The following SGCZ variants were observed in gnomAD, a reference collection of about 807,000 sequenced individuals.
SGCZ encodes zeta-sarcoglycan.
SGCZ carries 40 observed loss-of-function variants against 41.3 expected under a neutral mutation model. That is an observed-to-expected ratio of 0.97 (90% CI 0.75 to 1.26). The LOEUF is 1.26. Ranked by LOEUF, SGCZ falls within the 50% of genes most tolerant of loss-of-function variation. The probability of loss-of-function intolerance (pLI) is 0.00; values close to 1 mark genes in which losing one functional copy is unlikely to be tolerated. For synonymous variants in SGCZ, 206 were observed against 137.5 expected (o/e 1.50, Z -3.49); for missense variants, 552 against 369.8 (o/e 1.49, Z -4.04).
intron 1 of SGCZ, among the ~76,000 whole-genome samples, chr8:15,205,509 A>G (rs1481624089): frequency 6.6e-6 from 1 of 152,176 alleles, no homozygotes. Context: ...AGAAAAGCTC[A>G]TTATTACTGA....
At position 14,228,386 on chromosome 8, in the gene SGCZ, T is replaced by C. The variant is rs1190717986; in HGVS notation, c.424+9206A>G. Among the ~76,000 whole-genome samples, 5 of 152,094 alleles carry C rather than the reference T, an allele frequency of 3.3e-5. No homozygotes were observed. In the East Asian group the frequency reaches 7.7e-4, roughly 23 times the overall value. On this transcript the variant is annotated intron_variant, in intron 4 of 7. Transcript: ENST00000382080. ...AAATTTAAAGCCACTCCTTTCTTAC[T>C]TTGTTTAACTTATTTTACTTTTATC...
intron 5 of SGCZ, among the ~76,000 whole-genome samples, chr8:14,151,745 G>C (rs1415167775): frequency 6.6e-6 from 1 of 152,026 alleles, no homozygotes; most frequent in African/African-American, 2.4e-5. Context: ...CTGTGATATT[G>C]TCAGAAAGAC....
At chr8:14,148,897 G>C (rs1049153520) in intron 5 of SGCZ, among the ~76,000 whole-genome samples, 3 of 151,994 alleles carry the variant, frequency 2.0e-5, no homozygotes, top group African/African-American at 4.8e-5. Flanking sequence ...CAAACCAATC[G>C]ATGTGGTACA....
chr8:14,167,895 C>T (rs1804256369), intron 4 of SGCZ, among the ~76,000 whole-genome samples: 2 of 152,226 alleles, frequency 1.3e-5, no homozygotes, highest in African/African-American at 4.8e-5. Context: ...TTCTACAGTA[C>T]ATCGGTCAAA....
chr8:14,214,345 A>G (rs1805918717), intron 4 of SGCZ, among the ~76,000 whole-genome samples: 1 of 152,166 alleles, frequency 6.6e-6, no homozygotes, highest in Admixed American at 6.5e-5. Flanking sequence ...TACTAAATGT[A>G]GTGTGATATC....
intron 2 of SGCZ, among the ~76,000 whole-genome samples, chr8:14,459,536 A>T (rs1800842764): frequency 6.6e-6 from 1 of 152,188 alleles, no homozygotes; most frequent in Admixed American, 6.5e-5. Flanking sequence ...ATAGATGCTA[A>T]TGTGAGTAAA....
intron 1 of SGCZ, among the ~76,000 whole-genome samples, chr8:15,191,282 A>T (rs775454995): frequency 1.3e-5 from 2 of 152,038 alleles, no homozygotes; most frequent in Non-Finnish European, 2.9e-5. Flanking sequence ...TCTAGTCTGT[A>T]TTCAACGTAT....
chr8:14,842,430 G>A (rs1802954222), intron 1 of SGCZ, among the ~76,000 whole-genome samples: 1 of 146,398 alleles, frequency 6.8e-6, no homozygotes, highest in Non-Finnish European at 1.5e-5. Context: ...GAAAGAAAGG[G>A]AAGGGAAGGG....
At chr8:14,520,922 T>C (rs753238742) in intron 2 of SGCZ, among the ~76,000 whole-genome samples, 7 of 152,198 alleles carry the variant, frequency 4.6e-5, no homozygotes, top group Non-Finnish European at 5.9e-5. Flanking sequence ...GCTATAAACT[T>C]AATCACTAAT....
chr8:14,660,337 C>T (rs541040808), intron 1 of SGCZ, among the ~76,000 whole-genome samples: 4 of 151,580 alleles, frequency 2.6e-5, no homozygotes, highest in East Asian at 3.9e-4. Context: ...TTTGGGAGGC[C>T]GAGGTGGGTG....
chr8:14,950,946 A>T (rs1800615485), intron 1 of SGCZ, among the ~76,000 whole-genome samples: 2 of 152,190 alleles, frequency 1.3e-5, no homozygotes, highest in East Asian at 1.9e-4. Flanking sequence ...TAAAATTCAA[A>T]GTTTTGAATG....
intron 2 of SGCZ, among the ~76,000 whole-genome samples, chr8:14,327,456 G>A (rs1563259574): frequency 6.6e-6 from 1 of 152,154 alleles, no homozygotes; most frequent in Admixed American, 6.5e-5. Flanking sequence ...TCTGAAGTGC[G>A]CTCCTTGGAG....
chr8:14,251,601 G>T (rs993633474), intron 3 of SGCZ, among the ~76,000 whole-genome samples: 1 of 152,062 alleles, frequency 6.6e-6, no homozygotes, highest in Non-Finnish European at 1.5e-5. Context: ...GGAAACCAAA[G>T]TTATAGCAAC....
At chr8:15,032,413 G>A (rs1205233238) in intron 1 of SGCZ, among the ~76,000 whole-genome samples, 1 of 152,156 alleles carries the variant, frequency 6.6e-6, no homozygotes, top group African/African-American at 2.4e-5. Flanking sequence ...CCACAAAGGG[G>A]AAGGAGAGTG....
intron 1 of SGCZ, among the ~76,000 whole-genome samples, chr8:15,052,261 G>T (rs535477438): frequency 1.3e-5 from 2 of 152,224 alleles, no homozygotes; most frequent in Non-Finnish European, 2.9e-5. Context: ...CTCCAGCTGT[G>T]AGGGCTTCAT....
At chr8:15,177,140 T>C (rs772478736) in intron 1 of SGCZ, among the ~76,000 whole-genome samples, 7 of 152,226 alleles carry the variant, frequency 4.6e-5, no homozygotes, top group Non-Finnish European at 8.8e-5. Flanking sequence ...TTCAAAGTTC[T>C]TGAAAAACAT....
At chr8:14,314,468 G>A (rs750026978) in intron 3 of SGCZ, among the ~76,000 whole-genome samples, 13 of 152,010 alleles carry the variant, frequency 8.6e-5, no homozygotes, top group South Asian at 4.1e-4. Context: ...TGAAAATCTC[G>A]TTCCAGTCAT....
At chr8:14,667,523 C>T (rs7846232) in intron 1 of SGCZ, among the ~76,000 whole-genome samples, 90,113 of 152,030 alleles carry the variant, frequency 0.59, 29,110 homozygotes, top group African/African-American at 0.84. Flanking sequence ...TTTAAAAATA[C>T]AGTCATAAAA....
At chr8:14,689,583 A>T (rs1808731923) in intron 1 of SGCZ, among the ~76,000 whole-genome samples, 1 of 152,156 alleles carries the variant, frequency 6.6e-6, no homozygotes. Context: ...TAAATTCTAG[A>T]TTTAGTGAAT....
Sources: allele counts gnomAD v4.1 joint callset (sites outside exome capture counted in the v4.1 genomes callset), GRCh38; gene constraint gnomAD v4.1.1; transcripts MANE v1.5; gene names NCBI Gene and HGNC (gene_info 2026-07-23, HGNC 2026-07-21).